Variants in TTC6 observed in about 807,000 individuals in gnomAD.
TTC6 encodes the protein tetratricopeptide repeat protein 6.
A neutral mutation model predicts 210.4 loss-of-function variants in TTC6; 172 were observed. That is an observed-to-expected ratio of 0.82 (90% CI 0.72 to 0.93). The LOEUF (loss-of-function observed/expected upper bound fraction) is 0.93. TTC6 is among the 40% of genes least tolerant of loss of function. The pLI is 0.00. For missense variants in TTC6, 2,414 were observed against 2,318.1 expected (o/e 1.04, Z -0.85); for synonymous variants, 804 against 819.6 (o/e 0.98, Z 0.32).
intron 14 of TTC6, among the ~76,000 whole-genome samples, chr14:37,769,423 A>G (rs1044089774): frequency 6.6e-6 from 1 of 152,060 alleles, no homozygotes; most frequent in Non-Finnish European, 1.5e-5. Flanking sequence ...CTGTGAATCC[A>G]TCTGATCCTG....
At chr14:37,795,607 T>C (rs1052191123) in intron 18 of TTC6, among the ~76,000 whole-genome samples, 7 of 152,192 alleles carry the variant, frequency 4.6e-5, no homozygotes, top group Non-Finnish European at 8.8e-5. Flanking sequence ...TTGAGACCTT[T>C]TTAAGCGACT....
chr14:37,705,907 A>G (rs1282734779), intron 5 of TTC6, among the ~76,000 whole-genome samples: 2 of 152,148 alleles, frequency 1.3e-5, no homozygotes, highest in African/African-American at 4.8e-5. Flanking sequence ...TACTCAAAGT[A>G]TAGTCCGCAG....
chr14:37,754,163 T>A (rs942952182), intron 14 of TTC6, among the ~76,000 whole-genome samples: 3 of 152,168 alleles, frequency 2.0e-5, no homozygotes, highest in Non-Finnish European at 4.4e-5. Flanking sequence ...GGTGGTTTGC[T>A]GTACCCATCA....
chr14:37,736,094 T>A (rs1363043910), intron 8 of TTC6, 84 bp downstream of exon 10: 5 of 773,042 alleles, frequency 6.5e-6, no homozygotes, highest in Non-Finnish European at 1.0e-5. Flanking sequence ...TTCCAGAAAT[T>A]ATTTCTTGGG....
chr14:37,643,921 T>C (rs982838776), intron 1 of TTC6, among the ~76,000 whole-genome samples: 1 of 152,252 alleles, frequency 6.6e-6, no homozygotes, highest in Non-Finnish European at 1.5e-5. Context: ...CAATCAATTA[T>C]TACTCTGGAA....
chr14:37,630,506 G>T (rs560003055), intron 1 of TTC6, among the ~76,000 whole-genome samples: 1 of 152,218 alleles, frequency 6.6e-6, no homozygotes, highest in East Asian at 1.9e-4. Flanking sequence ...CCAATTATGT[G>T]GTCAATTTTA....
At chr14:37,731,461 C>G (rs1307441709) in intron 7 of TTC6, among the ~76,000 whole-genome samples, 1 of 152,162 alleles carries the variant, frequency 6.6e-6, no homozygotes, top group Non-Finnish European at 1.5e-5. Flanking sequence ...AACTTCTTTA[C>G]AGTACGACAG....
At chr14:37,707,200 T>C (rs2095837127) in intron 5 of TTC6, among the ~76,000 whole-genome samples, 5 of 152,090 alleles carry the variant, frequency 3.3e-5, no homozygotes, top group South Asian at 2.1e-4. Context: ...TGTTTTGCTT[T>C]AAAATGAACA....
intron 1 of TTC6, among the ~76,000 whole-genome samples, chr14:37,597,821 C>T (rs992728258): frequency 3.3e-5 from 5 of 152,154 alleles, no homozygotes; most frequent in African/African-American, 1.2e-4. Flanking sequence ...CCGCACGCAT[C>T]CCAGTCAGGG....
chr14:37,668,977 T>G (rs2095753419), intron 1 of TTC6, among the ~76,000 whole-genome samples: 1 of 152,080 alleles, frequency 6.6e-6, no homozygotes, highest in African/African-American at 2.4e-5. Flanking sequence ...CCAGACAGCC[T>G]TTCCATACCA....
At chr14:37,697,028 T>C (rs1479244410) in intron 4 of TTC6, among the ~76,000 whole-genome samples, 193 bp downstream of exon 6, 1 of 152,138 alleles carries the variant, frequency 6.6e-6, no homozygotes, top group African/African-American at 2.4e-5. Context: ...CTTTTTTCTT[T>C]TTCTGTTTTT....
chr14:37,679,575 ATT>A (rs376889804), intron 1 of TTC6, among the ~76,000 whole-genome samples: 21 of 152,212 alleles, frequency 1.4e-4, no homozygotes, highest in African/African-American at 5.1e-4. Flanking sequence ...ACTTAATAGC[ATT>A]GTTTTATAGC....
intron 6 of TTC6, among the ~76,000 whole-genome samples, chr14:37,718,715 C>T (rs1310494862): frequency 6.6e-6 from 1 of 152,076 alleles, no homozygotes; most frequent in Admixed American, 6.6e-5. Context: ...CTTGCTTGAG[C>T]CCAAGAGTTT....
In TTC6 at chr14:37,792,252, A is replaced by AT. The variant is rs201540014; in HGVS notation, c.3558-3dup. 455 of 1,452,956 alleles carry AT rather than the reference A, an allele frequency of 3.1e-4. No individual in the cohort carries two copies. Among genetic ancestry groups the AT allele is most frequent in the Admixed American group, 7.6e-4 (30 of 39,526 alleles). 90.0% of individuals were successfully genotyped at this position (1,452,956 alleles called of 1,614,324 possible). ...ATGTTTAACAAGATTTCACTTTCTC[A>AT]TTTTTTTTTAGAACTATTACTTTGG... On this transcript the variant is annotated splice_polypyrimidine_tract_variant and intron_variant, in intron 16 of 30. Transcript: ENST00000553443.
intron 5 of TTC6, among the ~76,000 whole-genome samples, chr14:37,703,151 ATTT>A (rs2095828711): frequency 1.3e-5 from 2 of 151,966 alleles, no homozygotes; most frequent in Admixed American, 6.6e-5. Context: ...AAACTCTGCT[ATTT>A]TGAGTCATTC....
chr14:37,763,787 T>C (rs1222056610), intron 14 of TTC6, among the ~76,000 whole-genome samples: 1 of 151,948 alleles, frequency 6.6e-6, no homozygotes, highest in East Asian at 1.9e-4. Flanking sequence ...GTTTTCATAT[T>C]CTCTATTTCA....
At position 37,616,255 on chromosome 14, in the gene TTC6, A is replaced by G. The variant is rs143204774; in HGVS notation, c.-154-5795A>G. Among the ~76,000 whole-genome samples, 71 of 152,194 alleles carry G rather than the reference A, an allele frequency of 4.7e-4. No homozygotes were observed. The East Asian group carries it at 0.013, about 28-fold the overall frequency. On this transcript the variant is annotated intron_variant, in intron 2 of 2. Coordinates refer to the TTC6 transcript ENST00000556845. The stretch of plus-strand genomic sequence containing the variant: ...GGAATTTCTCTCTCACTTCTCAGTG[A>G]TGTTTGTTGTCTGGGCTCCTTTCCC...
At chr14:37,832,582 C>T (rs1185131155) in intron 29 of TTC6, among the ~76,000 whole-genome samples, 1 of 151,880 alleles carries the variant, frequency 6.6e-6, no homozygotes, top group Non-Finnish European at 1.5e-5. Context: ...AATGGTTGTT[C>T]AGGAGCATAT....
chr14:37,602,684 C>T (rs1262073446), intron 1 of TTC6, among the ~76,000 whole-genome samples: 1 of 152,140 alleles, frequency 6.6e-6, no homozygotes, highest in Non-Finnish European at 1.5e-5. Flanking sequence ...ATCTGCACCC[C>T]AACCTTCCTG....
Sources: allele counts gnomAD v4.1 joint callset (sites outside exome capture counted in the v4.1 genomes callset), GRCh38; gene constraint gnomAD v4.1.1; transcripts MANE v1.5; gene names NCBI Gene and HGNC (gene_info 2026-07-23, HGNC 2026-07-21).